The following SLC25A26 variants were observed in gnomAD, a reference collection of about 807,000 sequenced individuals.
SLC25A26 encodes mitochondrial S-adenosylmethionine carrier protein.
Under a neutral mutation model 37.8 loss-of-function variants are expected in SLC25A26, and 36 were observed. The observed-to-expected ratio is 0.95, with a 90% CI of 0.73 to 1.26. SLC25A26 has a LOEUF of 1.26. Ranked by LOEUF, SLC25A26 falls within the 50% of genes most tolerant of loss-of-function variation. The pLI is 0.00. For missense variants in SLC25A26, 390 were observed against 331.1 expected, an observed-to-expected ratio of 1.18 and a Z score of -1.38; for synonymous variants, 129 against 122.5, an observed-to-expected ratio of 1.05 and a Z score of -0.35.
intron 6 of SLC25A26, among the ~76,000 whole-genome samples, chr3:66,353,400 G>C (rs2076504817): frequency 1.3e-5 from 2 of 152,180 alleles, no homozygotes; most frequent in Admixed American, 6.5e-5. Flanking sequence ...AATGGAAGGA[G>C]AGTTTGAACG....
At chr3:66,363,421 T>C (rs919905473) in intron 7 of SLC25A26, among the ~76,000 whole-genome samples, 2 of 149,522 alleles carry the variant, frequency 1.3e-5, no homozygotes, top group South Asian at 2.1e-4. Flanking sequence ...AACTGTTCTG[T>C]GTAGGAAGTA....
At chr3:66,327,158 G>A (rs2075858854) in intron 5 of SLC25A26, among the ~76,000 whole-genome samples, 1 of 152,154 alleles carries the variant, frequency 6.6e-6, no homozygotes, top group Non-Finnish European at 1.5e-5. Context: ...GTTTGTGTCT[G>A]TGCTCAATTT....
intron 3 of SLC25A26, among the ~76,000 whole-genome samples, chr3:66,246,367 C>A (rs1050590777): frequency 6.6e-6 from 1 of 151,888 alleles, no homozygotes; most frequent in Non-Finnish European, 1.5e-5. Flanking sequence ...AACTTTCAGT[C>A]CAAAAAAATA....
intron 1 of SLC25A26, among the ~76,000 whole-genome samples, chr3:66,145,793 T>A (rs2070106421): frequency 6.6e-6 from 1 of 152,200 alleles, no homozygotes; most frequent in African/African-American, 2.4e-5. Context: ...AATCCAAAAA[T>A]ATTCCTCACA....
At chr3:66,295,636 C>T (rs1333127063) in intron 5 of SLC25A26, among the ~76,000 whole-genome samples, 15 of 151,702 alleles carry the variant, frequency 9.9e-5, no homozygotes, top group East Asian at 4.0e-4. Context: ...CTCCTGACTT[C>T]GTGATCCGCC....
intron 5 of SLC25A26, among the ~76,000 whole-genome samples, chr3:66,279,615 C>G (rs2074270813): frequency 1.3e-5 from 2 of 152,050 alleles, no homozygotes; most frequent in Admixed American, 6.6e-5. Context: ...TCTCATGATT[C>G]TTTGGCCTCA....
intron 5 of SLC25A26, among the ~76,000 whole-genome samples, chr3:66,278,781 C>T (rs782733): frequency 0.3 from 44,998 of 152,022 alleles, 8,198 homozygotes; most frequent in African/African-American, 0.5. Flanking sequence ...TCCTCCTTAA[C>T]CTGCAAATTT....
intron 1 of SLC25A26, among the ~76,000 whole-genome samples, chr3:66,155,231 C>T (rs1342993682): frequency 5.9e-5 from 9 of 152,298 alleles, no homozygotes; most frequent in Middle Eastern, 3.4e-3. Flanking sequence ...AATATGTGGC[C>T]GGGCGTGGTG....
At chr3:66,256,651 T>A (rs782095111) in intron 3 of SLC25A26, among the ~76,000 whole-genome samples, 5 of 152,106 alleles carry the variant, frequency 3.3e-5, no homozygotes, top group Non-Finnish European at 7.4e-5. Context: ...ATTCCAGTGC[T>A]TTGGGAGGTT....
chr3:66,350,713 TGA>T (rs745326218), intron 6 of SLC25A26, among the ~76,000 whole-genome samples: 6,627 of 77,554 alleles, frequency 0.085, 334 homozygotes, highest in Admixed American at 0.27. Flanking sequence ...TGTGTGTGTG[TGA>T]GCGCGCGCGT....
rs970713452 is a variant in SLC25A26 at position 66,243,272 on chromosome 3, C to T, written c.260C>T (p.Thr87Ile). The change falls in exon 3 of 10, where the codon ACA (threonine) becomes ATA (isoleucine). Residue 87 changes from threonine (T) to isoleucine (I), a missense_variant. By Grantham distance (89) the Thr-to-Ile change is moderately conservative. Transcript: ENST00000354883. ...CATGCTGATTCATCTTCATATTTGACACCTATGAAACATATGTTGGCTGCC... is the reference window on the plus strand; with the variant it reads ...CATGCTGATTCATCTTCATATTTGATACCTATGAAACATATGTTGGCTGCC... ...FLHADSSSYL[T>I]PMKHMLAASA... The T allele has an allele frequency of 3.1e-6, 5 of 1,609,028 alleles. No homozygotes were observed. Among genetic ancestry groups the T allele is most frequent in the Non-Finnish European group, 3.4e-6 (4 of 1,176,792 alleles).
intron 6 of SLC25A26, among the ~76,000 whole-genome samples, chr3:66,354,105 T>C (rs2076521309): frequency 6.6e-6 from 1 of 152,172 alleles, no homozygotes; most frequent in South Asian, 2.1e-4. Context: ...AAGCTTTAAG[T>C]CAAAAGTAAG....
chr3:66,338,671 AG>A lies in SLC25A26; in HGVS notation c.454-7691del, dbSNP rs577805466. On this transcript the variant is annotated intron_variant, in intron 5 of 9. Coordinates refer to ENST00000354883, the MANE Select transcript of SLC25A26 (RefSeq NM_001379210.1). ...AACCTTTTTATCACTTCAGACAGAA[AG>A]GTTGTATCATTAAGTACAGAGCTTC... Among the ~76,000 whole-genome samples the A allele has an allele frequency of 6.5e-4, 99 of 152,128 alleles. No individual in the cohort carries two copies. The Middle Eastern group carries it at 0.014, about 21-fold the overall frequency.
rs145744127 is a variant in SLC25A26 at position 66,146,005 on chromosome 3, G to A, written c.-354+12021G>A. 3.9e-3 allele frequency among the ~76,000 whole-genome samples: 597 copies of A among 152,168 alleles called. 2 individuals are homozygous for A. The highest frequency in any genetic ancestry group is 0.013 in the African/African-American group (538 of 41,532). ...TACCTGTTTAACATGAAAGTAGACC[G>A]TTTTTACACATATTTTATTTTTGAG... On this transcript the variant is annotated intron_variant, in intron 1 of 10. Transcript: ENST00000676754.
At chr3:66,252,445 CTGTCAAG>C (rs1448776336) in intron 3 of SLC25A26, among the ~76,000 whole-genome samples, 2 of 152,170 alleles carry the variant, frequency 1.3e-5, no homozygotes, top group Non-Finnish European at 2.9e-5. Flanking sequence ...GGACCATGGG[CTGTCAAG>C]TTACACAGAT....
intron 6 of SLC25A26, among the ~76,000 whole-genome samples, chr3:66,352,428 G>GTTTTTTTTTTTT (rs1242977476): frequency 2.4e-5 from 3 of 126,686 alleles, no homozygotes; most frequent in African/African-American, 1.0e-4. Context: ...CTCGTTTTTT[G>GTTTTTTTTTTTT]TTTTTTGTTT....
At chr3:66,377,068 G>C (rs925498863) in intron 9 of SLC25A26, among the ~76,000 whole-genome samples, 2 of 152,172 alleles carry the variant, frequency 1.3e-5, no homozygotes, top group African/African-American at 4.8e-5. Context: ...AGGGGGGGCA[G>C]TTTTAAAGAA....
chr3:66,218,144 A>G (rs2071389021), upstream of SLC25A26, among the ~76,000 whole-genome samples: 1 of 152,034 alleles, frequency 6.6e-6, no homozygotes, highest in East Asian at 1.9e-4. Flanking sequence ...TTTCAGATTA[A>G]TCCATGTTGT....
intron 1 of SLC25A26, among the ~76,000 whole-genome samples, chr3:66,150,306 T>A (rs925083025): frequency 2.2e-4 from 33 of 151,408 alleles, no homozygotes; most frequent in African/African-American, 7.8e-4. Flanking sequence ...AAGACCAGCC[T>A]GGCCAACATG....
Sources: allele counts gnomAD v4.1 joint callset (sites outside exome capture counted in the v4.1 genomes callset), GRCh38; gene constraint gnomAD v4.1.1; transcripts MANE v1.5; gene names NCBI Gene and HGNC (gene_info 2026-07-23, HGNC 2026-07-21).